The following KLF12 variants were observed in gnomAD, a reference collection of about 807,000 sequenced individuals.
KLF12 encodes KLF transcription factor 12.
A neutral mutation model predicts 37.8 loss-of-function variants in KLF12; 9 were observed. That is an observed-to-expected ratio of 0.24 (90% CI 0.14 to 0.42). The LOEUF (loss-of-function observed/expected upper bound fraction) is 0.42. Ranked by LOEUF, KLF12 falls within the 10% of genes least tolerant of loss-of-function variation. The pLI, the probability that KLF12 is intolerant of heterozygous loss-of-function variation, is 1.00. For missense variants in KLF12, 411 were observed against 516.0 expected, an observed-to-expected ratio of 0.80 and a Z score of 1.97; for synonymous variants, 208 against 202.1, an observed-to-expected ratio of 1.03 and a Z score of -0.25.
chr13:74,062,548 A>C (rs1873660922), intron 1 of KLF12, among the ~76,000 whole-genome samples: 1 of 152,206 alleles, frequency 6.6e-6, no homozygotes, highest in South Asian at 2.1e-4. Flanking sequence ...ATTTTTTTAA[A>C]CAAGTGATAG....
chr13:73,931,950 C>T (rs1251740030), intron 3 of KLF12, among the ~76,000 whole-genome samples: 2 of 150,888 alleles, frequency 1.3e-5, no homozygotes, highest in African/African-American at 4.9e-5. Flanking sequence ...GCTGACTTAG[C>T]TAAGGGAGGC....
intron 1 of KLF12, among the ~76,000 whole-genome samples, chr13:74,098,929 T>G (rs1442003490): frequency 2.0e-5 from 3 of 152,218 alleles, no homozygotes; most frequent in Non-Finnish European, 4.4e-5. Context: ...GTATGTTACA[T>G]GTCATGGGTC....
intron 1 of KLF12, among the ~76,000 whole-genome samples, chr13:74,086,373 G>GT (rs1393360171): frequency 1.3e-5 from 2 of 149,460 alleles, no homozygotes; most frequent in Non-Finnish European, 3.0e-5. Flanking sequence ...GCGGTGTTTG[G>GT]TTTTTTGTCC....
At chr13:73,929,700 C>T (rs1327640211) in intron 3 of KLF12, among the ~76,000 whole-genome samples, 1 of 152,214 alleles carries the variant, frequency 6.6e-6, no homozygotes, top group African/African-American at 2.4e-5. Context: ...ACTGCTGCCA[C>T]CTCCAAGTGT....
chr13:74,163,762 G>C, the KLF12 span, among the ~76,000 whole-genome samples: 1 of 152,068 alleles, frequency 6.6e-6, no homozygotes, highest in South Asian at 2.1e-4. Flanking sequence ...AAATACTTGA[G>C]GGGATGTGGA....
chr13:74,242,854 A>G, the KLF12 span, among the ~76,000 whole-genome samples: 1 of 152,186 alleles, frequency 6.6e-6, no homozygotes, highest in Non-Finnish European at 1.5e-5. Flanking sequence ...CCACGTGTAC[A>G]TAGAATTTCT....
intron 5 of KLF12, among the ~76,000 whole-genome samples, chr13:73,785,227 C>G (rs73531634): frequency 1.2e-3 from 185 of 151,902 alleles, no homozygotes; most frequent in Admixed American, 2.4e-3. Context: ...GTGATCCTCC[C>G]GCCTCAGACA....
intron 3 of KLF12, among the ~76,000 whole-genome samples, chr13:73,855,369 C>T (rs1427005265): frequency 6.6e-6 from 1 of 152,130 alleles, no homozygotes; most frequent in Non-Finnish European, 1.5e-5. Flanking sequence ...TGTTAGTTCG[C>T]TTAGGATAAT....
chr13:74,250,576 G>A, the KLF12 span, among the ~76,000 whole-genome samples: 2 of 152,302 alleles, frequency 1.3e-5, no homozygotes, highest in South Asian at 2.1e-4. Flanking sequence ...GCCAGAGCTA[G>A]GCTTCTTGGT....
chr13:74,155,312 G>A, the KLF12 span, among the ~76,000 whole-genome samples: 2 of 151,944 alleles, frequency 1.3e-5, no homozygotes, highest in Admixed American at 1.3e-4. Flanking sequence ...GTTAAATTAA[G>A]TCAGTTATAT....
chr13:73,950,096 C>T (rs927684936), intron 2 of KLF12, among the ~76,000 whole-genome samples: 1 of 152,208 alleles, frequency 6.6e-6, no homozygotes, highest in African/African-American at 2.4e-5. Context: ...CTATGTAATG[C>T]AGCAATTTTT....
chr13:74,001,306 G>A (rs1240557903), intron 1 of KLF12, among the ~76,000 whole-genome samples: 1 of 152,218 alleles, frequency 6.6e-6, no homozygotes, highest in African/African-American at 2.4e-5. Context: ...CTTGTAAAAT[G>A]TAGCTGCGTG....
intron 3 of KLF12, among the ~76,000 whole-genome samples, chr13:73,926,233 T>G (rs891826451): frequency 6.6e-6 from 1 of 152,102 alleles, no homozygotes; most frequent in African/African-American, 2.4e-5. Context: ...GCAGTAAACT[T>G]CATTGTTTCA....
chr13:74,215,125 T>C, the KLF12 span, among the ~76,000 whole-genome samples: 1 of 152,062 alleles, frequency 6.6e-6, no homozygotes, highest in African/African-American at 2.4e-5. Flanking sequence ...CTTCCTATCT[T>C]TTTTCTCCAC....
At chr13:74,174,711 A>T in the KLF12 span, among the ~76,000 whole-genome samples, 1 of 152,176 alleles carries the variant, frequency 6.6e-6, no homozygotes, top group African/African-American at 2.4e-5. Context: ...ACAACTTTCC[A>T]GCCACGTCTC....
rs544007783 is a variant in KLF12 at position 73,712,791 on chromosome 13, C to T, written c.1027+2577G>A. ...AGACCCTCCACTAGTCAAAAGATTA[C>T]GACTCTAAAGGCTCAGATGACTGTT... is the stretch of plus-strand genomic sequence containing the variant. On this transcript the variant is annotated intron_variant, in intron 7 of 7. Transcript: ENST00000377669. 9.2e-5 allele frequency among the ~76,000 whole-genome samples: 14 copies of T among 152,336 alleles called. No individual in the cohort carries two copies. The South Asian group carries it at 1.2e-3, about 14-fold the overall frequency.
the KLF12 span, among the ~76,000 whole-genome samples, chr13:74,180,104 A>G: frequency 6.6e-6 from 1 of 152,184 alleles, no homozygotes; most frequent in Non-Finnish European, 1.5e-5. Context: ...AAGAGTTTTG[A>G]TTAATTGGGC....
intron 3 of KLF12, among the ~76,000 whole-genome samples, chr13:73,943,087 A>G (rs1027319101): frequency 2.6e-5 from 4 of 152,226 alleles, no homozygotes; most frequent in Non-Finnish European, 5.9e-5. Context: ...TTTTATTCAC[A>G]TTTAAAATTT....
At chr13:73,868,645 C>T (rs931801997) in intron 3 of KLF12, among the ~76,000 whole-genome samples, 2 of 152,204 alleles carry the variant, frequency 1.3e-5, no homozygotes, top group East Asian at 3.9e-4. Context: ...CCCACCTTGG[C>T]CTCCCAAAGT....
Sources: allele counts gnomAD v4.1 joint callset (sites outside exome capture counted in the v4.1 genomes callset), GRCh38; gene constraint gnomAD v4.1.1; transcripts MANE v1.5; gene names NCBI Gene and HGNC (gene_info 2026-07-23, HGNC 2026-07-21).